Variants in RORA observed in about 807,000 individuals in gnomAD.
RORA encodes the protein RAR related orphan receptor A.
In RORA, 7 loss-of-function variants were observed where a neutral mutation model predicts 69.5. That is an observed-to-expected ratio of 0.10 (90% CI 0.06 to 0.19). The LOEUF is 0.19. Ranked by LOEUF, RORA falls within the 10% of genes least tolerant of loss-of-function variation. The probability of loss-of-function intolerance (pLI) is 1.00; values close to 1 mark genes in which losing one functional copy is unlikely to be tolerated. For synonymous variants in RORA, 261 were observed against 240.8 expected (o/e 1.08, Z -0.78); for missense variants, 457 against 663.0 (o/e 0.69, Z 3.41).
intron 1 of RORA, among the ~76,000 whole-genome samples, chr15:61,205,644 G>A (rs879681528): frequency 1.3e-4 from 20 of 152,216 alleles, no homozygotes; most frequent in Admixed American, 6.5e-5. Context: ...CCAGAAGAGT[G>A]AAGGAGCTGG....
chr15:61,019,879 G>T (rs1895444491), intron 1 of RORA, among the ~76,000 whole-genome samples: 1 of 152,144 alleles, frequency 6.6e-6, no homozygotes, highest in African/African-American at 2.4e-5. Flanking sequence ...CATGCTCCTG[G>T]TTCCTTTGCC....
At chr15:61,021,302 CTA>C (rs754328530) in intron 1 of RORA, among the ~76,000 whole-genome samples, 14 of 152,214 alleles carry the variant, frequency 9.2e-5, no homozygotes, top group Non-Finnish European at 7.3e-5. Context: ...CCGTGAATGA[CTA>C]TGAGTAACCA....
At chr15:60,819,766 CA>C (rs919063891) in intron 1 of RORA, among the ~76,000 whole-genome samples, 2 of 142,130 alleles carry the variant, frequency 1.4e-5, no homozygotes, top group African/African-American at 5.1e-5. Flanking sequence ...CACACACACA[CA>C]CACACACACA....
intron 1 of RORA, among the ~76,000 whole-genome samples, chr15:61,063,747 T>C (rs149950941): frequency 1.2e-4 from 19 of 152,350 alleles, no homozygotes; most frequent in Non-Finnish European, 2.1e-4. Flanking sequence ...GTGGTCAATA[T>C]TAACTATTGT....
chr15:60,524,595 T>C lies in RORA; in HGVS notation c.282+7171A>G, dbSNP rs79763266. On this transcript the variant is annotated intron_variant, in intron 3 of 10. Transcript: ENST00000335670. ...TGTGTACCTTTAAGAGTCCTGTATTTATCCCCCTCCTAGCCCTTACCTTGT... is the reference window on the plus strand; with the variant it reads ...TGTGTACCTTTAAGAGTCCTGTATTCATCCCCCTCCTAGCCCTTACCTTGT... 5.6e-4 allele frequency among the ~76,000 whole-genome samples: 86 copies of C among 152,368 alleles called. 2 individuals carry two copies. The East Asian group carries it at 0.016, about 29-fold the overall frequency.
intron 2 of RORA, among the ~76,000 whole-genome samples, chr15:60,636,068 T>C (rs2140663387): frequency 6.6e-6 from 1 of 152,330 alleles, no homozygotes; most frequent in Admixed American, 6.5e-5. Context: ...TCTCTCTGTG[T>C]GATTCTCAAA....
chr15:61,131,818 C>A lies in RORA; in HGVS notation c.166+97235G>T, dbSNP rs1356962851. ...TGAAACTGGACTCCAGTTCTGCCAC[C>A]AAACGGATGTGTAACTCTAAGCAAG... is the stretch of plus-strand genomic sequence containing the variant. On this transcript the variant is annotated intron_variant, in intron 1 of 10. Transcript: ENST00000335670. This position sits in a 1 kb window ranked among gnomAD's most constrained non-coding sequence, Gnocchi z 4.2. Among the ~76,000 whole-genome samples the A allele has an allele frequency of 1.3e-5, 2 of 152,152 alleles. No homozygotes were observed. Among genetic ancestry groups the A allele is most frequent in the East Asian group, 3.8e-4 (2 of 5,196 alleles).
intron 1 of RORA, among the ~76,000 whole-genome samples, chr15:61,157,790 G>C (rs1231601577): frequency 6.6e-6 from 1 of 152,192 alleles, no homozygotes; most frequent in African/African-American, 2.4e-5. Flanking sequence ...GTTATTAAAT[G>C]ACTGTTAAAT....
At chr15:60,843,712 G>A (rs1402229404) in intron 1 of RORA, among the ~76,000 whole-genome samples, 2 of 152,202 alleles carry the variant, frequency 1.3e-5, no homozygotes, top group Admixed American at 1.3e-4. Context: ...GCCAAAGGCT[G>A]AGTCAGAACC....
chr15:60,846,854 A>G (rs2073271873), intron 1 of RORA, among the ~76,000 whole-genome samples: 1 of 152,204 alleles, frequency 6.6e-6, no homozygotes, highest in African/African-American at 2.4e-5. Context: ...CTTCTCACAT[A>G]CTAGACTTTA....
chr15:60,749,719 A>C lies in RORA; in HGVS notation c.167-71033T>G, dbSNP rs150124533. ...TAAAGATCTAAATCTAAATAACAAA[A>C]ACAATAACGATAATAGCTAATATTA... On this transcript the variant is annotated intron_variant, in intron 1 of 10. Transcript: ENST00000335670. 2.1e-3 allele frequency among the ~76,000 whole-genome samples: 322 copies of C among 152,292 alleles called. 2 individuals carry two copies. Among genetic ancestry groups the C allele is most frequent in the Non-Finnish European group, 3.8e-3 (257 of 68,032 alleles).
At chr15:60,962,330 G>A (rs1374717444) in intron 1 of RORA, among the ~76,000 whole-genome samples, 1 of 152,076 alleles carries the variant, frequency 6.6e-6, no homozygotes, top group Non-Finnish European at 1.5e-5. Context: ...CTTTCTAACT[G>A]CTAGAGAAAC....
chr15:61,120,594 G>A (rs1039629816), intron 1 of RORA, among the ~76,000 whole-genome samples: 91 of 151,270 alleles, frequency 6.0e-4, no homozygotes, highest in African/African-American at 2.0e-3. Flanking sequence ...CCAGCTACTC[G>A]GGAGGCTGAG....
chr15:61,121,681 C>T (rs1467209385), intron 1 of RORA, among the ~76,000 whole-genome samples: 1 of 152,108 alleles, frequency 6.6e-6, no homozygotes, highest in Non-Finnish European at 1.5e-5. Context: ...CTTCCAAAGA[C>T]TCATATTCTT....
intron 2 of RORA, chr15:60,592,294 G>C (rs975527770): frequency 3.2e-6 from 3 of 931,442 alleles, no homozygotes; most frequent in African/African-American, 3.5e-5. Flanking sequence ...ACGTGCGTTC[G>C]GGCAGGCGCG....
chr15:60,531,738 AG>A lies in RORA; in HGVS notation c.282+27del. The stretch of plus-strand genomic sequence containing the variant: ...AAGATATATTCTAACAAACATTAAT[AG>A]AAACAACAACAATTAAAAAGGCTTA... On this transcript the variant is annotated intron_variant, in intron 3 of 10. Transcript: ENST00000335670. The surrounding 1 kb of genome is among the most constrained non-coding windows in gnomAD (Gnocchi z 4.8). 1 of 1,252,360 alleles carries A rather than the reference AG, an allele frequency of 8.0e-7. No individual in the cohort carries two copies. The highest frequency in any genetic ancestry group is 2.5e-5 in the East Asian group (1 of 40,656). 77.6% of individuals were successfully genotyped at this position (1,252,360 alleles called of 1,614,324 possible).
intron 1 of RORA, among the ~76,000 whole-genome samples, chr15:61,045,827 A>G (rs1896991597): frequency 6.6e-6 from 1 of 152,210 alleles, no homozygotes; most frequent in Non-Finnish European, 1.5e-5. Context: ...ATGTCTGATC[A>G]CTTTAGCTAT....
intron 1 of RORA, among the ~76,000 whole-genome samples, chr15:60,868,174 C>T (rs1312808784): frequency 1.3e-5 from 2 of 152,152 alleles, no homozygotes; most frequent in Non-Finnish European, 2.9e-5. Context: ...TAGGGAGACA[C>T]ATTACACCTT....
At chr15:61,005,355 C>A (rs1566940595) in intron 1 of RORA, among the ~76,000 whole-genome samples, 2 of 152,278 alleles carry the variant, frequency 1.3e-5, no homozygotes, top group East Asian at 3.9e-4. Context: ...TGGCAGGCGC[C>A]TGTAATACCA....
Sources: allele counts gnomAD v4.1 joint callset (sites outside exome capture counted in the v4.1 genomes callset), GRCh38; gene constraint gnomAD v4.1.1; non-coding constraint Gnocchi (gnomAD v3.1); transcripts MANE v1.5; gene names NCBI Gene and HGNC (gene_info 2026-07-23, HGNC 2026-07-21).